The following PPA2 variants were observed in gnomAD, a reference collection of about 807,000 sequenced individuals.
PPA2 encodes inorganic pyrophosphatase 2.
In PPA2, 48 loss-of-function variants were observed where a neutral mutation model predicts 49.5. That is an observed-to-expected ratio of 0.97 (90% CI 0.77 to 1.23). PPA2 has a LOEUF of 1.23. Ranked by LOEUF, PPA2 falls within the 50% of genes most tolerant of loss-of-function variation. PPA2 has a pLI of 0.00. For synonymous variants in PPA2, 131 were observed against 139.9 expected (o/e 0.94, Z 0.45); for missense variants, 429 against 410.1 (o/e 1.05, Z -0.40).
At chr4:105,473,848 A>G (rs562665532) in intron 1 of PPA2, 46 bp downstream of exon 1, 19 of 1,562,634 alleles carry the variant, frequency 1.2e-5, no homozygotes, top group East Asian at 2.3e-5. Context: ...TCCCCCACCC[A>G]GGTTTCTCCG....
rs753619812 is a variant in PPA2 at position 105,418,440 on chromosome 4, AAG to A, written c.655+5754_655+5755del. 2.2e-4 allele frequency among the ~76,000 whole-genome samples: 33 copies of A among 152,334 alleles called. 1 individual carries two copies. Among genetic ancestry groups the A allele is most frequent in the Non-Finnish European group, 4.7e-4 (32 of 68,024 alleles). On this transcript the variant is annotated intron_variant, in intron 7 of 11. Coordinates refer to ENST00000341695, the MANE Select transcript of PPA2 (RefSeq NM_176869.3). Reference sequence around the variant, plus strand: ...CTCAACATATTTATTTTTGCCTTGAAAGAGAGTAGTTTTTATTTTTAAATTTC... The same window carrying A: ...CTCAACATATTTATTTTTGCCTTGAAAGAGTAGTTTTTATTTTTAAATTTC...
At chr4:105,463,705 G>C (rs1032499934) in intron 1 of PPA2, among the ~76,000 whole-genome samples, 2 of 152,190 alleles carry the variant, frequency 1.3e-5, no homozygotes, top group Non-Finnish European at 2.9e-5. Context: ...TTGCGTCCCA[G>C]GTGGTCCAGC....
chr4:105,370,733 T>G, intron 11 of PPA2, 104 bp downstream of exon 11: 1 of 1,239,694 alleles, frequency 8.1e-7, no homozygotes, highest in South Asian at 2.0e-5. Flanking sequence ...CTTATACAGC[T>G]TTTCAATTTA....
chr4:105,404,503 T>C (rs1021120139), intron 7 of PPA2, among the ~76,000 whole-genome samples: 1 of 152,044 alleles, frequency 6.6e-6, no homozygotes, highest in African/African-American at 2.4e-5. Context: ...AAGAAAAACA[T>C]GTTTGGAATC....
chr4:105,416,181 G>A (rs996800724), intron 7 of PPA2, among the ~76,000 whole-genome samples: 1 of 152,120 alleles, frequency 6.6e-6, no homozygotes, highest in Admixed American at 6.5e-5. Context: ...CAAATTGAGG[G>A]CTACATATAC....
intron 9 of PPA2, among the ~76,000 whole-genome samples, chr4:105,391,344 CAAAAAA>C (rs11373169): frequency 4.9e-5 from 5 of 102,518 alleles, no homozygotes; most frequent in African/African-American, 1.9e-4. Flanking sequence ...CTTAAAGTAA[CAAAAAA>C]AAAAAAAAAA....
intron 2 of PPA2, chr4:105,453,990 G>A (rs1373967869): frequency 3.4e-5 from 6 of 173,948 alleles, no homozygotes; most frequent in African/African-American, 1.4e-4. Context: ...TTATTGAAAT[G>A]AAGCTCCAGG....
intron 10 of PPA2, among the ~76,000 whole-genome samples, chr4:105,373,369 C>A (rs910780630): frequency 6.6e-6 from 1 of 152,040 alleles, no homozygotes; most frequent in South Asian, 2.1e-4. Flanking sequence ...AACGGGTTAA[C>A]CTGCTTATTC....
chr4:105,419,225 T>C (rs1723143903), intron 7 of PPA2, among the ~76,000 whole-genome samples: 1 of 152,216 alleles, frequency 6.6e-6, no homozygotes, highest in Admixed American at 6.5e-5. Context: ...GTTACATATG[T>C]ATACATGTGC....
chr4:105,424,389 C>T (rs961367686), intron 6 of PPA2, 67 bp from the exon 7 acceptor site: 14 of 1,370,758 alleles, frequency 1.0e-5, no homozygotes, highest in Non-Finnish European at 1.3e-5. Flanking sequence ...TCACAAAATC[C>T]ATATAAAAGA....
rs1343227173 is a variant in PPA2, at chr4:105,372,557, C to T, written c.940-1684G>A. The stretch of plus-strand genomic sequence containing the variant: ...GATTACCCTCCATAATGTTGGTAGG[C>T]CCCATCTGATCAGTTGAAGGCTTTA... On this transcript the variant is annotated intron_variant, in intron 10 of 11. Transcript: ENST00000341695. 3.3e-5 allele frequency among the ~76,000 whole-genome samples: 5 copies of T among 152,250 alleles called. No individual in the cohort carries two copies. In the East Asian group the frequency reaches 7.7e-4, roughly 24 times the overall value.
intron 10 of PPA2, among the ~76,000 whole-genome samples, chr4:105,379,572 T>C (rs1733398254): frequency 1.3e-5 from 2 of 151,582 alleles, no homozygotes; most frequent in African/African-American, 4.9e-5. Context: ...CAAGCGATTC[T>C]CCTGCCTCAG....
At chr4:105,412,125 G>C (rs187861036) in intron 7 of PPA2, among the ~76,000 whole-genome samples, 4 of 152,114 alleles carry the variant, frequency 2.6e-5, no homozygotes, top group African/African-American at 9.7e-5. Flanking sequence ...AAAAGAGCCC[G>C]CATAGCCAAG....
At chr4:105,470,617 A>T (rs890619179) in intron 1 of PPA2, among the ~76,000 whole-genome samples, 2 of 152,162 alleles carry the variant, frequency 1.3e-5, no homozygotes, top group Non-Finnish European at 2.9e-5. Context: ...CTCCCTTCAC[A>T]GAATCTAATA....
chr4:105,467,873 T>C (rs923662419), intron 1 of PPA2, among the ~76,000 whole-genome samples: 2 of 152,204 alleles, frequency 1.3e-5, no homozygotes, highest in Non-Finnish European at 2.9e-5. Flanking sequence ...GCTGTTAATC[T>C]TGAGTTGTAT....
At chr4:105,427,614 A>G (rs1443157570) in intron 6 of PPA2, among the ~76,000 whole-genome samples, 3 of 152,168 alleles carry the variant, frequency 2.0e-5, no homozygotes, top group Non-Finnish European at 4.4e-5. Flanking sequence ...CTGAAGATCA[A>G]ATTAATGAAA....
intron 7 of PPA2, among the ~76,000 whole-genome samples, chr4:105,418,909 T>A (rs969075211): frequency 6.6e-6 from 1 of 152,172 alleles, no homozygotes; most frequent in Non-Finnish European, 1.5e-5. Context: ...AGGTGGTTAA[T>A]TTAACCACGA....
At chr4:105,382,197 G>C (rs2110369629) in intron 10 of PPA2, among the ~76,000 whole-genome samples, 1 of 151,960 alleles carries the variant, frequency 6.6e-6, no homozygotes, top group Non-Finnish European at 1.5e-5. Context: ...ACATGAACTT[G>C]TGCTTTTTTC....
chr4:105,473,135 G>A (rs1723595257), intron 1 of PPA2, among the ~76,000 whole-genome samples: 2 of 152,170 alleles, frequency 1.3e-5, no homozygotes, highest in South Asian at 4.1e-4. Flanking sequence ...TTCTGTTACG[G>A]TTAACGTACA....
Sources: allele counts gnomAD v4.1 joint callset (sites outside exome capture counted in the v4.1 genomes callset), GRCh38; gene constraint gnomAD v4.1.1; transcripts MANE v1.5; gene names NCBI Gene and HGNC (gene_info 2026-07-23, HGNC 2026-07-21).